Variants in TNRC6C observed in about 807,000 individuals in gnomAD.
TNRC6C encodes the protein trinucleotide repeat containing adaptor 6C, also known as trinucleotide repeat-containing gene 6C protein.
A neutral mutation model predicts 153.7 loss-of-function variants in TNRC6C; 20 were observed. The observed-to-expected ratio is 0.13, with a 90% CI of 0.09 to 0.19. TNRC6C has a LOEUF of 0.19. TNRC6C is among the 10% of genes least tolerant of loss of function. TNRC6C has a pLI of 1.00. For synonymous variants in TNRC6C, 811 were observed against 841.4 expected (o/e 0.96, Z 0.63); for missense variants, 1,987 against 2,172.0 (o/e 0.91, Z 1.69).
intron 1 of TNRC6C, among the ~76,000 whole-genome samples, chr17:77,970,671 G>A (rs565407839): frequency 8.5e-5 from 13 of 152,184 alleles, no homozygotes; most frequent in African/African-American, 2.9e-4. Context: ...GTGTGTGTGT[G>A]TATGTGTGTG....
chr17:78,001,012 TTAAC>T (rs1026377364), upstream of TNRC6C, among the ~76,000 whole-genome samples: 2 of 152,118 alleles, frequency 1.3e-5, no homozygotes, highest in African/African-American at 2.4e-5. Context: ...AATCTACAGT[TTAAC>T]TAGGAACACC....
intron 1 of TNRC6C, among the ~76,000 whole-genome samples, chr17:77,971,746 C>G (rs1023013935): frequency 1.3e-5 from 2 of 152,010 alleles, no homozygotes; most frequent in Admixed American, 6.6e-5. Flanking sequence ...TTTGGAGTCC[C>G]CATTGACTTC....
At chr17:78,088,256 A>G (rs2073331812) in intron 13 of TNRC6C, among the ~76,000 whole-genome samples, 1 of 152,148 alleles carries the variant, frequency 6.6e-6, no homozygotes, top group Non-Finnish European at 1.5e-5. Flanking sequence ...TGTCTCATCC[A>G]TTAGAGCCCT....
chr17:78,026,963 CAGAA>C (rs1260597338), intron 1 of TNRC6C, among the ~76,000 whole-genome samples: 1 of 152,102 alleles, frequency 6.6e-6, no homozygotes, highest in Non-Finnish European at 1.5e-5. Context: ...TTGAAATACT[CAGAA>C]GGGCGAGGCG....
intron 3 of TNRC6C, among the ~76,000 whole-genome samples, chr17:78,061,543 G>A (rs577600355): frequency 6.6e-6 from 1 of 152,302 alleles, no homozygotes; most frequent in Admixed American, 6.5e-5. Context: ...TGGGCCAGGT[G>A]TGGGGGCAGG....
chr17:78,071,977 C>T (rs1195402958), intron 6 of TNRC6C, among the ~76,000 whole-genome samples: 2 of 152,206 alleles, frequency 1.3e-5, no homozygotes, highest in African/African-American at 2.4e-5. Flanking sequence ...GTTCAGATGG[C>T]AAGGGATGTC....
At chr17:78,013,794 T>TGG (rs540214762) in intron 1 of TNRC6C, among the ~76,000 whole-genome samples, 120 of 152,232 alleles carry the variant, frequency 7.9e-4, no homozygotes, top group Middle Eastern at 3.4e-3. Flanking sequence ...AAAGAGCCTG[T>TGG]GGCCGTATGG....
intron 2 of TNRC6C, among the ~76,000 whole-genome samples, chr17:78,034,747 T>G (rs908938344): frequency 6.6e-6 from 1 of 152,042 alleles, no homozygotes; most frequent in Non-Finnish European, 1.5e-5. Context: ...GGCGGGTGAA[T>G]TGCTTGAGCT....
chr17:78,085,842 G>GA (rs1235592469), intron 11 of TNRC6C, among the ~76,000 whole-genome samples: 8 of 142,700 alleles, frequency 5.6e-5, no homozygotes, highest in Non-Finnish European at 1.2e-4. Context: ...TTGGTTTTTT[G>GA]TTTTTTTTTT....
At chr17:77,957,694 T>C (rs1172142805), upstream of TNRC6C, among the ~76,000 whole-genome samples, 2 of 152,224 alleles carry the variant, frequency 1.3e-5, no homozygotes, top group Non-Finnish European at 1.5e-5. Flanking sequence ...TGCATGAAAA[T>C]GGAGAAAATT....
chr17:78,028,191 C>T (rs887727188), intron 1 of TNRC6C, among the ~76,000 whole-genome samples: 2 of 152,108 alleles, frequency 1.3e-5, no homozygotes, highest in East Asian at 1.9e-4. Context: ...CATCGCCCCC[C>T]GCTGAAACTT....
intron 13 of TNRC6C, among the ~76,000 whole-genome samples, chr17:78,090,133 T>A (rs2073368305): frequency 6.6e-6 from 1 of 152,134 alleles, no homozygotes; most frequent in African/African-American, 2.4e-5. Context: ...CTGCGAAGTG[T>A]GTGTGTGCAT....
At chr17:78,002,571 T>C (rs920961852), upstream of TNRC6C, among the ~76,000 whole-genome samples, 4 of 152,236 alleles carry the variant, frequency 2.6e-5, no homozygotes, top group African/African-American at 9.6e-5. Flanking sequence ...TTATCTTGCT[T>C]CCTGCTATAA....
chr17:78,082,699 G>A lies in TNRC6C; in HGVS notation c.3358-348G>A, dbSNP rs147968283. 9.2e-3 allele frequency among the ~76,000 whole-genome samples: 1,396 copies of A among 152,098 alleles called. 65 individuals carry two copies. In the East Asian group the frequency reaches 0.16, roughly 17 times the overall value. On this transcript the variant is annotated intron_variant, in intron 10 of 19. Coordinates refer to ENST00000301624, the Ensembl canonical transcript of TNRC6C. ...CATTTATAGGCTCTCCCCAAGGGTC[G>A]CATTCCATTCCCAGAGCTATGAACA... is the stretch of plus-strand genomic sequence containing the variant.
At chr17:77,959,775 C>T (rs1453939626) in intron 1 of TNRC6C, among the ~76,000 whole-genome samples, 1 of 152,054 alleles carries the variant, frequency 6.6e-6, no homozygotes, top group African/African-American at 2.4e-5. Context: ...CTGCGGACTG[C>T]GGAGTAATGC....
chr17:77,977,711 G>C lies in TNRC6C; in HGVS notation c.-38+18443G>C, dbSNP rs565469395. On this transcript the variant is annotated intron_variant, in intron 1 of 22. Transcript: ENST00000636222. ...AATATTTACTATGTAAATTGCCTAA[G>C]AACTTAAAAAACAGGGACAGCTTTC... is the stretch of plus-strand genomic sequence containing the variant. Among the ~76,000 whole-genome samples, 19 of 151,948 alleles carry C rather than the reference G, an allele frequency of 1.3e-4. No individual in the cohort carries two copies. In the East Asian group the frequency reaches 2.3e-3, roughly 19 times the overall value.
intron 16 of TNRC6C, 31 bp downstream of exon 19, chr17:78,097,892 G>C: frequency 6.8e-7 from 1 of 1,467,912 alleles, no homozygotes; most frequent in Non-Finnish European, 9.1e-7. Context: ...CTTGCAGGTA[G>C]CATTTTCTTT....
At chr17:78,013,043 C>CT (rs2143407220) in intron 1 of TNRC6C, among the ~76,000 whole-genome samples, 1 of 152,260 alleles carries the variant, frequency 6.6e-6, no homozygotes, top group South Asian at 2.1e-4. Flanking sequence ...GAGGGGTTGC[C>CT]TTATCCCAGT....
chr17:78,067,948 G>C, intron 5 of TNRC6C, 25 bp downstream of exon 7: 5 of 1,577,010 alleles, frequency 3.2e-6, no homozygotes, highest in Non-Finnish European at 4.3e-6. Context: ...CTTAACGACG[G>C]TACACCCTGA....
Sources: gnomAD v4.1 joint callset for allele counts (sites outside exome capture counted in the v4.1 genomes callset) on GRCh38, gnomAD v4.1.1 for gene constraint, MANE v1.5 for transcripts, NCBI Gene and HGNC (gene_info 2026-07-23, HGNC 2026-07-21) for gene names.